The following DOCK3 variants were observed in gnomAD, a reference collection of about 807,000 sequenced individuals.
DOCK3 encodes the protein dedicator of cytokinesis 3, also known as dedicator of cytokinesis protein 3.
A neutral mutation model predicts 265.6 loss-of-function variants in DOCK3; 60 were observed. The ratio of observed to expected loss-of-function variants is 0.23; its 90% CI spans 0.18 to 0.28. The LOEUF is 0.28. Ranked by LOEUF, DOCK3 falls within the 10% of genes least tolerant of loss-of-function variation. DOCK3 has a pLI of 1.00. For missense variants in DOCK3, 1,981 were observed against 2,594.3 expected (o/e 0.76, Z 5.14); for synonymous variants, 881 against 938.0 (o/e 0.94, Z 1.11).
At chr3:51,341,488 G>A in intron 38 of DOCK3, 103 bp downstream of exon 38, 1 of 1,510,488 alleles carries the variant, frequency 6.6e-7, no homozygotes. Flanking sequence ...TAGTGTGTGG[G>A]GTGGTGAGTG....
At chr3:50,892,391 A>G (rs1219424233) in intron 4 of DOCK3, among the ~76,000 whole-genome samples, 2 of 152,120 alleles carry the variant, frequency 1.3e-5, no homozygotes, top group Non-Finnish European at 2.9e-5. Flanking sequence ...GAGGTCCAGT[A>G]TCCAGTGAAG....
chr3:51,217,515 C>G (rs908538229), intron 14 of DOCK3, among the ~76,000 whole-genome samples: 1 of 152,168 alleles, frequency 6.6e-6, no homozygotes. Context: ...GAAATTTAGC[C>G]ATTTTTTAAA....
chr3:50,846,510 T>C (rs562441723), intron 3 of DOCK3, among the ~76,000 whole-genome samples: 5 of 152,138 alleles, frequency 3.3e-5, no homozygotes, highest in East Asian at 1.9e-4. Flanking sequence ...TAGGATGATA[T>C]TGGTTTAGTA....
intron 5 of DOCK3, among the ~76,000 whole-genome samples, chr3:51,032,141 T>TGTGTGTGC (rs1342877908): frequency 1.3e-5 from 2 of 151,960 alleles, no homozygotes; most frequent in African/African-American, 4.8e-5. Flanking sequence ...TGTGTGTGTG[T>TGTGTGTGC]GTGTATAAGT....
chr3:50,683,845 C>A (rs796307055), intron 1 of DOCK3, among the ~76,000 whole-genome samples: 13 of 117,956 alleles, frequency 1.1e-4, no homozygotes, highest in Admixed American at 5.2e-4. Context: ...CTCCCCCCCC[C>A]CCACCCACTC....
intron 2 of DOCK3, among the ~76,000 whole-genome samples, chr3:50,782,821 G>C (rs541327692): frequency 1.3e-5 from 2 of 151,318 alleles, no homozygotes; most frequent in East Asian, 3.9e-4. Flanking sequence ...CCCAAAGTCC[G>C]TTGTATCATG....
intron 27 of DOCK3, among the ~76,000 whole-genome samples, chr3:51,293,256 A>G (rs568263079): frequency 6.6e-6 from 1 of 152,354 alleles, no homozygotes; most frequent in South Asian, 2.1e-4. Context: ...TCAAAACACC[A>G]TGGTATTGGC....
At chr3:50,737,423 G>C (rs1314641370) in intron 1 of DOCK3, among the ~76,000 whole-genome samples, 1 of 152,112 alleles carries the variant, frequency 6.6e-6, no homozygotes, top group Non-Finnish European at 1.5e-5. Flanking sequence ...GTGCTAAACT[G>C]TTCTTGAAGG....
At chr3:50,879,362 G>A (rs904721779) in intron 3 of DOCK3, among the ~76,000 whole-genome samples, 1 of 152,146 alleles carries the variant, frequency 6.6e-6, no homozygotes, top group Non-Finnish European at 1.5e-5. Flanking sequence ...AGACCCATCA[G>A]TGTGCTATAT....
chr3:51,197,646 G>T (rs1327474814), intron 12 of DOCK3, among the ~76,000 whole-genome samples: 1 of 152,152 alleles, frequency 6.6e-6, no homozygotes. Flanking sequence ...GACTAGGTAG[G>T]CTCATGCTCA....
intron 49 of DOCK3, among the ~76,000 whole-genome samples, chr3:51,367,225 TC>T (rs1377421048): frequency 1.3e-5 from 2 of 152,246 alleles, no homozygotes; most frequent in African/African-American, 4.8e-5. Context: ...GTTGAATTGA[TC>T]CCTTTACCGT....
chr3:50,981,837 G>GT (rs59269923), intron 5 of DOCK3, among the ~76,000 whole-genome samples: 14,457 of 151,848 alleles, frequency 0.095, 862 homozygotes, highest in Non-Finnish European at 0.12. Flanking sequence ...TCTATGTTTT[G>GT]TTTTTTATTT....
intron 2 of DOCK3, among the ~76,000 whole-genome samples, chr3:50,828,555 C>G (rs1559694004): frequency 6.6e-6 from 1 of 151,616 alleles, no homozygotes. Context: ...CAGGTACCCA[C>G]CACCACGCCC....
intron 4 of DOCK3, among the ~76,000 whole-genome samples, chr3:50,925,325 A>G (rs937066474): frequency 3.9e-5 from 6 of 152,232 alleles, no homozygotes; most frequent in Non-Finnish European, 8.8e-5. Flanking sequence ...TTTTATGTAT[A>G]TCAGATTGTC....
At chr3:50,685,433 T>C (rs1416088238) in intron 1 of DOCK3, 2 of 152,670 alleles carry the variant, frequency 1.3e-5, no homozygotes, top group South Asian at 2.1e-4. Context: ...GTATCAGTTG[T>C]TTAACTGAGT....
chr3:50,732,645 A>G (rs2038296897), intron 1 of DOCK3, among the ~76,000 whole-genome samples: 1 of 152,122 alleles, frequency 6.6e-6, no homozygotes, highest in Admixed American at 6.6e-5. Context: ...CCTTGGCCTC[A>G]AGCCATCCTC....
chr3:51,304,854 C>G (rs1390671930), intron 27 of DOCK3, among the ~76,000 whole-genome samples: 1 of 152,178 alleles, frequency 6.6e-6, no homozygotes, highest in African/African-American at 2.4e-5. Context: ...GTTCACTCAC[C>G]GTTTTGGTTC....
chr3:51,345,242 A>G (rs988848922), intron 38 of DOCK3, among the ~76,000 whole-genome samples: 17 of 152,176 alleles, frequency 1.1e-4, no homozygotes, highest in African/African-American at 4.1e-4. Context: ...AAGCTGTGAT[A>G]ATGGGGGTAC....
chr3:51,185,066 A>G (rs2087514810), intron 12 of DOCK3, among the ~76,000 whole-genome samples: 1 of 152,196 alleles, frequency 6.6e-6, no homozygotes, highest in Non-Finnish European at 1.5e-5. Context: ...AGTTTGAGAA[A>G]CTGTCACAGT....
Sources: gnomAD v4.1 joint callset for allele counts (sites outside exome capture counted in the v4.1 genomes callset) on GRCh38, gnomAD v4.1.1 for gene constraint, MANE v1.5 for transcripts, NCBI Gene and HGNC (gene_info 2026-07-23, HGNC 2026-07-21) for gene names.